Variants in MTHFD1 observed in about 807,000 individuals in gnomAD.
MTHFD1 encodes C-1-tetrahydrofolate synthase, cytoplasmic.
In MTHFD1, 44 loss-of-function variants were observed where a neutral mutation model predicts 110.3. The observed-to-expected ratio is 0.40, with a 90% CI of 0.31 to 0.51. The LOEUF is 0.51. Among genes scored for constraint, MTHFD1 ranks in the 20% least tolerant of loss-of-function variants. The pLI is 0.60. For missense variants in MTHFD1, 909 were observed against 1,173.1 expected (o/e 0.77, Z 3.29); for synonymous variants, 402 against 428.8 (o/e 0.94, Z 0.77).
chr14:64,428,217 G>A (rs1394459946), intron 12 of MTHFD1, among the ~76,000 whole-genome samples: 1 of 147,112 alleles, frequency 6.8e-6, no homozygotes, highest in African/African-American at 2.5e-5. Flanking sequence ...CTGGGTTCAA[G>A]AGACTCTCCT....
intron 24 of MTHFD1, among the ~76,000 whole-genome samples, chr14:64,452,370 G>A (rs1424150152): frequency 1.3e-5 from 2 of 152,172 alleles, no homozygotes; most frequent in Admixed American, 6.5e-5. Flanking sequence ...CCTAATTTTT[G>A]TAATTTGCTC....
intron 1 of MTHFD1, among the ~76,000 whole-genome samples, chr14:64,397,870 G>A (rs182241928): frequency 1.1e-4 from 17 of 152,106 alleles, no homozygotes; most frequent in Non-Finnish European, 2.5e-4. Context: ...TTATATTTTA[G>A]CAATGTGTTT....
intron 18 of MTHFD1, chr14:64,441,002 T>C: frequency 3.0e-6 from 1 of 331,596 alleles, no homozygotes; most frequent in Non-Finnish European, 5.9e-6. Context: ...CCATCCTGGC[T>C]AACACAATGA....
rs1350286012 is a variant in MTHFD1 at position 64,439,085 on chromosome 14, G to A, written c.1598-11G>A. ...CTCAAAATCGTTCTATATCTTGCCT[G>A]TCTGCTGTAGTGTTGGATACCAATG... On this transcript the variant is annotated splice_polypyrimidine_tract_variant and intron_variant, in intron 16 of 27. Transcript: ENST00000652337. The A allele has an allele frequency of 3.7e-6, 6 of 1,609,808 alleles. No individual in the cohort carries two copies. The highest frequency in any genetic ancestry group is 5.1e-6 in the Non-Finnish European group (6 of 1,176,190).
rs1329424461 is a variant in MTHFD1, at chr14:64,415,415, C to T, written c.298C>T (p.Gln100Ter). The change falls in exon 5 of 28, where the codon CAG becomes TAG. Residue 100 changes from glutamine to a stop codon, truncating the protein, a stop_gained. Coordinates refer to ENST00000652337, the MANE Select transcript of MTHFD1 (RefSeq NM_005956.4). LOFTEE classifies it high-confidence loss of function. ...CTCTACTGTACATGGGTTCTTAGTGCAGCTACCTTTAGATTCAGAGAATTC... is the reference window on the plus strand; with the variant it reads ...CTCTACTGTACATGGGTTCTTAGTGTAGCTACCTTTAGATTCAGAGAATTC... ...EDSTVHGFLVQLPLDSENSIN... is the reference protein window; with the variant it reads ...EDSTVHGFLV 1.2e-6 allele frequency: 2 copies of T among 1,612,934 alleles called. No homozygotes were observed. The highest frequency in any genetic ancestry group is 8.5e-7 in the Non-Finnish European group (1 of 1,178,954).
chr14:64,434,947 T>C (rs1176607789), intron 15 of MTHFD1, among the ~76,000 whole-genome samples: 2 of 126,394 alleles, frequency 1.6e-5, no homozygotes, highest in Non-Finnish European at 3.2e-5. Context: ...TCTCCCTCTT[T>C]TCTTTTTTTT....
chr14:64,419,282 T>C (rs2078051426), intron 7 of MTHFD1: 1 of 194,900 alleles, frequency 5.1e-6, no homozygotes, highest in Admixed American at 5.3e-5. Flanking sequence ...AGAGTGAAGG[T>C]GCTCCAGAGG....
At chr14:64,447,499 G>T in intron 22 of MTHFD1, among the ~76,000 whole-genome samples, 1 of 147,526 alleles carries the variant, frequency 6.8e-6, no homozygotes, top group South Asian at 2.2e-4. Context: ...TGTAGAGATG[G>T]GGTCTTGTTA....
chr14:64,448,290 C>T lies in MTHFD1; in HGVS notation c.2252C>T (p.Pro751Leu), dbSNP rs1485126186. 3.7e-6 allele frequency: 6 copies of T among 1,613,826 alleles called. No homozygotes were observed. The highest frequency in any genetic ancestry group is 1.3e-5 in the African/African-American group (1 of 74,894). ...QIENARMFGIPVVVAVNAFKT... is the reference protein window; with the variant it reads ...QIENARMFGILVVVAVNAFKT... ...GAAAATGCCAGAATGTTTGGAATTC[C>T]AGTAGTAGTGGCCGTGAATGCATTC... The change falls in exon 23 of 28, where the codon CCA becomes CTA. Residue 751 changes from proline (P) to leucine (L), a missense_variant. Pro to Leu is a moderately conservative substitution (Grantham distance 98). Transcript: ENST00000652337.
At position 64,459,740 on chromosome 14, in the gene MTHFD1, T is replaced by G. The variant is rs1412036038; in HGVS notation, c.*5-19T>G. The G allele has an allele frequency of 6.5e-7, 1 of 1,527,752 alleles. No homozygotes were observed. Among genetic ancestry groups the G allele is most frequent in the Admixed American group, 2.0e-5 (1 of 49,854 alleles). 94.6% of individuals were successfully genotyped at this position (1,527,752 alleles called of 1,614,324 possible). ...GTGCTTGCTTAGAGAAAACATTTAT[T>G]TCTTGTTTTTCCTTCCAGATCACCA... On this transcript the variant is annotated intron_variant, in intron 27 of 27. Coordinates refer to ENST00000652337, the MANE Select transcript of MTHFD1 (RefSeq NM_005956.4).
rs577707897 is a variant in MTHFD1 at position 64,438,830 on chromosome 14, C to G, written c.1598-266C>G. Among the ~76,000 whole-genome samples the G allele has an allele frequency of 1.2e-3, 188 of 152,240 alleles. 1 individual carries two copies. Among genetic ancestry groups the G allele is most frequent in the Non-Finnish European group, 2.4e-3 (163 of 68,020 alleles). ...TGTGGAATATGCTTTAAAATAGATT[C>G]CAGATTTCTAGTTAACTGTTTGAAT... On this transcript the variant is annotated intron_variant, in intron 16 of 27. Transcript: ENST00000652337.
intron 23 of MTHFD1, 146 bp from the exon 24 acceptor site, chr14:64,449,299 G>T: frequency 1.1e-6 from 1 of 873,402 alleles, no homozygotes. Context: ...AGTAAGTTTC[G>T]GAGCTGAGAT....
At chr14:64,446,048 G>A (rs1043692602) in intron 22 of MTHFD1, among the ~76,000 whole-genome samples, 14 of 151,976 alleles carry the variant, frequency 9.2e-5, no homozygotes, top group Middle Eastern at 3.4e-3. Context: ...GGTTTTGCTC[G>A]ATGATTCAGT....
At chr14:64,442,648 T>C (rs1172166261) in intron 21 of MTHFD1, among the ~76,000 whole-genome samples, 1 of 152,108 alleles carries the variant, frequency 6.6e-6, no homozygotes, top group Non-Finnish European at 1.5e-5. Flanking sequence ...CATCTGACAA[T>C]ATCTAAACCC....
In MTHFD1 at chr14:64,411,154, C is replaced by A; in HGVS notation, c.186+5C>A. On this transcript the variant is annotated splice_donor_5th_base_variant and intron_variant, in intron 3 of 27. Coordinates refer to ENST00000652337, the MANE Select transcript of MTHFD1 (RefSeq NM_005956.4). The stretch of plus-strand genomic sequence containing the variant: ...AAGCTGAAGGCTGCTGAAGAGGTAA[C>A]GCCAGAAGAGCTGTGCCATCACCCT... 1 of 1,610,858 alleles carries A rather than the reference C, an allele frequency of 6.2e-7. No homozygotes were observed. Among genetic ancestry groups the A allele is most frequent in the Non-Finnish European group, 8.5e-7 (1 of 1,178,234 alleles).
At chr14:64,433,964 AG>A (rs1467193308) in intron 15 of MTHFD1, among the ~76,000 whole-genome samples, 2 of 152,064 alleles carry the variant, frequency 1.3e-5, no homozygotes, top group Non-Finnish European at 2.9e-5. Flanking sequence ...TGGGAGGCGG[AG>A]GTTGCAGTGA....
intron 24 of MTHFD1, among the ~76,000 whole-genome samples, chr14:64,451,704 G>A (rs772196767): frequency 3.3e-5 from 5 of 152,202 alleles, no homozygotes; most frequent in Non-Finnish European, 5.9e-5. Context: ...ATTTCTACTT[G>A]CAACTTTTAT....
chr14:64,420,060 G>A (rs78468121), intron 8 of MTHFD1, 135 bp downstream of exon 8: 8,315 of 738,510 alleles, frequency 0.011, 89 homozygotes, highest in Non-Finnish European at 0.015. Context: ...CTAGCCCAAG[G>A]GTGCACAGAG....
intron 1 of MTHFD1, among the ~76,000 whole-genome samples, chr14:64,397,187 A>T (rs1566553239): frequency 0.053 from 389 of 7,400 alleles, 35 homozygotes; most frequent in African/African-American, 0.22. Context: ...ATATATATAT[A>T]TATAAAAAAC....
Sources: allele counts gnomAD v4.1 joint callset (sites outside exome capture counted in the v4.1 genomes callset), GRCh38; gene constraint gnomAD v4.1.1; transcripts MANE v1.5; gene names NCBI Gene and HGNC (gene_info 2026-07-23, HGNC 2026-07-21).